Variants in BBOF1 observed in about 807,000 individuals in gnomAD.
BBOF1 encodes the protein basal body orientation factor 1.
A neutral mutation model predicts 68.0 loss-of-function variants in BBOF1; 62 were observed. The ratio of observed to expected loss-of-function variants is 0.91; its 90% confidence interval spans 0.74 to 1.13. The LOEUF is 1.13. Ranked by LOEUF, BBOF1 falls within the 50% of genes most tolerant of loss-of-function variation. The pLI is 0.00. For synonymous variants in BBOF1, 208 were observed against 198.8 expected (o/e 1.05, Z -0.39); for missense variants, 534 against 600.1 (o/e 0.89, Z 1.15).
chr14:74,056,873 T>C, intron 9 of BBOF1, 33 bp from the exon 10 acceptor site: 1 of 1,463,868 alleles, frequency 6.8e-7, no homozygotes. Context: ...CACTGCCTCA[T>C]TCATTATCTT....
chr14:74,061,127 G>C (rs2060330983), intron 11 of BBOF1, among the ~76,000 whole-genome samples: 2 of 151,472 alleles, frequency 1.3e-5, no homozygotes, highest in African/African-American at 2.4e-5. Flanking sequence ...ACAGGCACCT[G>C]CTACCACGCC....
intron 2 of BBOF1, among the ~76,000 whole-genome samples, chr14:74,023,613 T>A (rs1411015797): frequency 6.6e-6 from 1 of 152,128 alleles, no homozygotes; most frequent in Admixed American, 6.6e-5. Flanking sequence ...GCTATCATTT[T>A]ATATTTGGAA....
In BBOF1 at chr14:74,029,181, C is replaced by T; in HGVS notation, c.286-3C>T. 6.5e-7 allele frequency: 1 copy of T among 1,546,106 alleles called. No homozygotes were observed. Among genetic ancestry groups the T allele is most frequent in the African/African-American group, 1.4e-5 (1 of 73,446 alleles). ...CATGACCCTGTATTTTGATTTTCAACAGATTGAAAAACTGAAACAGCAATT... is the reference window on the plus strand; with the variant it reads ...CATGACCCTGTATTTTGATTTTCAATAGATTGAAAAACTGAAACAGCAATT... On this transcript the variant is annotated splice_region_variant and splice_polypyrimidine_tract_variant and intron_variant, in intron 2 of 11. Coordinates refer to ENST00000394009, the MANE Select transcript of BBOF1 (RefSeq NM_025057.3).
At chr14:74,035,346 G>A (rs984074783) in intron 4 of BBOF1, among the ~76,000 whole-genome samples, 1 of 151,672 alleles carries the variant, frequency 6.6e-6, no homozygotes, top group African/African-American at 2.4e-5. Context: ...TGTTTCCAAG[G>A]AGGCACATTC....
rs71460945 is a variant in BBOF1 at position 74,035,584 on chromosome 14, A to ATTTTTTTTTTTTTT, written c.495+1428_495+1441dup. Among the ~76,000 whole-genome samples, 39 of 81,392 alleles carry ATTTTTTTTTTTTTT rather than the reference A, an allele frequency of 4.8e-4. 1 individual carries two copies. Among genetic ancestry groups the ATTTTTTTTTTTTTT allele is most frequent in the African/African-American group, 2.4e-3 (37 of 15,658 alleles). The allele number at this position is 81,392 out of a possible 152,430, so 53.4% of individuals were successfully genotyped here. A position where few individuals can be genotyped will look rare whatever the true frequency, so the allele number is the denominator to read the frequency against. On this transcript the variant is annotated intron_variant, in intron 4 of 11. Transcript: ENST00000394009. The stretch of plus-strand genomic sequence containing the variant: ...AGGCGTGCACCACCACCCCCAGCTA[A>ATTTTTTTTTTTTTT]TTTTTTTTTTTTTTTTTTTTTTTTT...
chr14:74,059,029 A>G (rs1172445175), intron 11 of BBOF1: 2 of 154,622 alleles, frequency 1.3e-5, no homozygotes, highest in Non-Finnish European at 2.8e-5. Context: ...GGTTGCAGTG[A>G]GCCAAGATCA....
At chr14:74,069,174 G>A (rs541192355), downstream of BBOF1, 13 of 489,094 alleles carry the variant, frequency 2.7e-5, no homozygotes, top group Admixed American at 1.5e-4. Context: ...GCACAATTTC[G>A]GCTCACTGCA....
Position 74,030,557 on chromosome 14 carries a change from G to A in BBOF1, c.351+1308G>A, listed in dbSNP as rs544222597. 7.3e-5 allele frequency among the ~76,000 whole-genome samples: 11 copies of A among 151,304 alleles called. No individual in the cohort carries two copies. In the East Asian group the frequency reaches 1.4e-3, roughly 19 times the overall value. ...GTCGCCCAGGCTGGAGTGCAGTGGC[G>A]CAATCTCTGCTCACTGCAAGCTCCA... is the stretch of plus-strand genomic sequence containing the variant. On this transcript the variant is annotated intron_variant, in intron 3 of 11. Transcript: ENST00000394009.
At chr14:74,057,459 A>G (rs921094821) in intron 11 of BBOF1, 8 of 1,455,282 alleles carry the variant, frequency 5.5e-6, no homozygotes, top group Non-Finnish European at 7.2e-6. Context: ...GCAAATGCAA[A>G]TGTGTGCCTC....
chr14:74,060,622 A>G, intron 11 of BBOF1: 1 of 1,514,664 alleles, frequency 6.6e-7, no homozygotes, highest in Non-Finnish European at 9.2e-7. Context: ...GGATGGAGTC[A>G]GTCTTAAACA....
At chr14:74,034,368 AT>A (rs2059648760) in intron 4 of BBOF1, among the ~76,000 whole-genome samples, 197 bp downstream of exon 4, 1 of 152,160 alleles carries the variant, frequency 6.6e-6, no homozygotes, top group Admixed American at 6.6e-5. Flanking sequence ...CTAAGCATTG[AT>A]TTCCTTGGGA....
chr14:74,040,428 A>G (rs1387148046), intron 4 of BBOF1, 137 bp from the exon 5 acceptor site: 1 of 596,752 alleles, frequency 1.7e-6, no homozygotes, highest in Non-Finnish European at 2.9e-6. Flanking sequence ...GCAGGAACAC[A>G]GATTTTTTCT....
rs565513957 is a variant in BBOF1 at position 74,054,666 on chromosome 14, C to T, written c.1287-918C>T. Among the ~76,000 whole-genome samples, 283 of 148,108 alleles carry T rather than the reference C, an allele frequency of 1.9e-3. 1 individual carries two copies. Among genetic ancestry groups the T allele is most frequent in the Non-Finnish European group, 2.6e-3 (176 of 67,418 alleles). ...TGCTGGGATTACGGGTGTGAGCCAC[C>T]GCACCCAGGCTCTTTTTTTTTTTTT... On this transcript the variant is annotated intron_variant, in intron 8 of 11. Coordinates refer to ENST00000394009, the MANE Select transcript of BBOF1 (RefSeq NM_025057.3).
In BBOF1 at chr14:74,050,030, T is replaced by A; in HGVS notation, c.1121T>A (p.Ile374Asn). Residue 374 changes from isoleucine (I) to asparagine (N), a missense_variant, in exon 8 of 12, where the codon ATC (isoleucine) becomes AAC (asparagine). Transcript: ENST00000394009. Reference protein sequence around the residue: ...LDALHQVKQQILISRKHYKQI... With the variant: ...LDALHQVKQQNLISRKHYKQI... ...GCTCTGCACCAAGTGAAGCAACAGATCCTAATTAGCAGGAAGCATTATAAG... is the reference window on the plus strand; with the variant it reads ...GCTCTGCACCAAGTGAAGCAACAGAACCTAATTAGCAGGAAGCATTATAAG... 6.2e-7 allele frequency: 1 copy of A among 1,614,098 alleles called. No homozygotes were observed. Among genetic ancestry groups the A allele is most frequent in the Non-Finnish European group, 8.5e-7 (1 of 1,180,026 alleles).
chr14:74,024,215 T>C (rs1257476603), intron 2 of BBOF1, among the ~76,000 whole-genome samples: 1 of 151,942 alleles, frequency 6.6e-6, no homozygotes, highest in Admixed American at 6.6e-5. Flanking sequence ...TCCCAACACT[T>C]TGGGAGGAAG....
intron 11 of BBOF1, among the ~76,000 whole-genome samples, chr14:74,062,928 T>C (rs748121891): frequency 1.7e-4 from 26 of 152,308 alleles, no homozygotes; most frequent in Non-Finnish European, 3.4e-4. Context: ...GCCTATTTGT[T>C]CAACAAATGT....
intron 2 of BBOF1, among the ~76,000 whole-genome samples, chr14:74,025,966 C>T (rs1189437829): frequency 6.6e-6 from 1 of 151,004 alleles, no homozygotes; most frequent in African/African-American, 2.4e-5. Context: ...AGAGTGAAAC[C>T]CCATCTCTAC....
At chr14:74,076,945 A>G (rs897950418) in intron 9 of BBOF1, among the ~76,000 whole-genome samples, 22 of 152,222 alleles carry the variant, frequency 1.4e-4, no homozygotes, top group African/African-American at 5.3e-4. Context: ...GGAAAGCTGC[A>G]ATCTAATAAT....
chr14:74,070,272 A>C (rs1307035462), downstream of BBOF1, among the ~76,000 whole-genome samples: 3 of 152,038 alleles, frequency 2.0e-5, no homozygotes. Flanking sequence ...TAATCCCAGC[A>C]CTTTGGGAGG....
Sources: allele counts gnomAD v4.1 joint callset (sites outside exome capture counted in the v4.1 genomes callset), GRCh38; gene constraint gnomAD v4.1.1; transcripts MANE v1.5; gene names NCBI Gene and HGNC (gene_info 2026-07-23, HGNC 2026-07-21).